Variants in RIMBP2 observed in about 807,000 individuals in gnomAD.
RIMBP2 encodes RIMS-binding protein 2.
Under a neutral mutation model 118.6 loss-of-function variants are expected in RIMBP2, and 48 were observed. The observed-to-expected ratio is 0.40, with a 90% confidence interval of 0.32 to 0.51. The LOEUF is 0.51. RIMBP2 is among the 20% of genes least tolerant of loss of function. The pLI, the probability that RIMBP2 is intolerant of heterozygous loss-of-function variation, is 0.41. For synonymous variants in RIMBP2, 762 were observed against 742.9 expected (o/e 1.03, Z -0.42); for missense variants, 1,551 against 1,768.3 (o/e 0.88, Z 2.20).
chr12:130,422,694 A>C lies in RIMBP2; in HGVS notation c.3130-133T>G. The C allele has an allele frequency of 6.1e-6, 4 of 654,862 alleles. No individual in the cohort carries two copies. The highest frequency in any genetic ancestry group is 1.1e-5 in the Non-Finnish European group (4 of 372,728). The allele number at this position is 654,862 out of a possible 1,614,324, so 40.6% of individuals were successfully genotyped here. On this transcript the variant is annotated intron_variant, in intron 16 of 22. Coordinates refer to ENST00000690449, the MANE Select transcript of RIMBP2 (RefSeq NM_001393629.1). This position sits in a 1 kb window ranked among gnomAD's most constrained non-coding sequence, Gnocchi z 5.2. ...AAACTTAGCTTTTAACTGAAAGGTTAGCTGAATGGCCTGGGAGAGAACAAA... is the reference window on the plus strand; with the variant it reads ...AAACTTAGCTTTTAACTGAAAGGTTCGCTGAATGGCCTGGGAGAGAACAAA...
Position 130,688,794 on chromosome 12 carries a change from G to A in RIMBP2, c.-352+27428C>T, listed in dbSNP as rs779891963. Among the ~76,000 whole-genome samples the A allele has an allele frequency of 2.2e-4, 33 of 152,192 alleles. No individual in the cohort carries two copies. The highest frequency in any genetic ancestry group is 6.8e-4 in the African/African-American group (28 of 41,454). On this transcript the variant is annotated intron_variant, in intron 1 of 22. Coordinates refer to ENST00000690449, the MANE Select transcript of RIMBP2 (RefSeq NM_001393629.1). The surrounding 1 kb of genome is among the most constrained non-coding windows in gnomAD (Gnocchi z 4.7). ...CACCTCCACCACCACTGTCTCCTCC[G>A]GCCCCCAATTCCAACTGCTCAGCTG...
intron 5 of RIMBP2, among the ~76,000 whole-genome samples, chr12:130,478,613 A>G (rs759487669): frequency 3.9e-5 from 6 of 152,202 alleles, no homozygotes; most frequent in Non-Finnish European, 8.8e-5. Context: ...TTTTTCCAGA[A>G]GCGGAAGCAA....
chr12:130,488,367 A>C (rs2082655183), intron 4 of RIMBP2, among the ~76,000 whole-genome samples: 1 of 151,964 alleles, frequency 6.6e-6, no homozygotes, highest in Non-Finnish European at 1.5e-5. Context: ...TTGGCTGCAA[A>C]GGCTGAAATT....
At chr12:130,680,738 C>T (rs551512744) in intron 1 of RIMBP2, among the ~76,000 whole-genome samples, 5 of 152,142 alleles carry the variant, frequency 3.3e-5, no homozygotes, top group Non-Finnish European at 7.3e-5. Context: ...CATTGCTGAA[C>T]GTCCTACAGT....
chr12:130,411,174 T>G (rs10848096), intron 19 of RIMBP2, among the ~76,000 whole-genome samples: 28,930 of 152,230 alleles, frequency 0.19, 3,225 homozygotes, highest in East Asian at 0.41. Context: ...GAAATAGAAC[T>G]GATTTTTGTA....
intron 21 of RIMBP2, among the ~76,000 whole-genome samples, chr12:130,402,134 C>G (rs1324972083): frequency 1.3e-5 from 2 of 152,198 alleles, no homozygotes; most frequent in Non-Finnish European, 2.9e-5. Flanking sequence ...TGTCTGATGC[C>G]TCTACCACTG....
intron 1 of RIMBP2, among the ~76,000 whole-genome samples, chr12:130,702,923 C>T (rs2065929020): frequency 6.6e-6 from 1 of 152,166 alleles, no homozygotes; most frequent in African/African-American, 2.4e-5. Flanking sequence ...ATCCCGGGTG[C>T]TCAGCCGGGA....
intron 2 of RIMBP2, among the ~76,000 whole-genome samples, chr12:130,528,813 C>T (rs1475875211): frequency 6.6e-6 from 1 of 152,174 alleles, no homozygotes; most frequent in Non-Finnish European, 1.5e-5. Context: ...TTATGCCACA[C>T]AGCTGAGGAG....
At chr12:130,662,574 G>T (rs901455450) in intron 1 of RIMBP2, among the ~76,000 whole-genome samples, 1 of 152,000 alleles carries the variant, frequency 6.6e-6, no homozygotes, top group Non-Finnish European at 1.5e-5. Flanking sequence ...GAGAATCACT[G>T]GAACCCGGAA....
intron 1 of RIMBP2, among the ~76,000 whole-genome samples, chr12:130,655,510 G>T (rs1369649217): frequency 6.6e-6 from 1 of 152,140 alleles, no homozygotes; most frequent in Non-Finnish European, 1.5e-5. Flanking sequence ...GGAGGCTCTG[G>T]GGCCATAGAA....
In RIMBP2 at chr12:130,688,302, A is replaced by C. The variant is rs1594205207; in HGVS notation, c.-352+27920T>G. ...CCCTCCTGCTGTTTCTGAACTCCTC[A>C]CCTCCAGCCTTTCTAGCCTCACTAG... On this transcript the variant is annotated intron_variant, in intron 1 of 22. Coordinates refer to ENST00000690449, the MANE Select transcript of RIMBP2 (RefSeq NM_001393629.1). The surrounding 1 kb of genome is among the most constrained non-coding windows in gnomAD (Gnocchi z 4.7). Among the ~76,000 whole-genome samples, 1 of 151,450 alleles carries C rather than the reference A, an allele frequency of 6.6e-6. No homozygotes were observed. The highest frequency in any genetic ancestry group is 1.9e-4 in the East Asian group (1 of 5,144).
chr12:130,514,509 C>T (rs541512876), intron 3 of RIMBP2, among the ~76,000 whole-genome samples: 3 of 152,286 alleles, frequency 2.0e-5, no homozygotes, highest in Non-Finnish European at 2.9e-5. Context: ...GCTCCAGCAC[C>T]CCCATCCCCC....
chr12:130,441,531 C>T (rs984745194), intron 11 of RIMBP2, among the ~76,000 whole-genome samples: 2 of 151,900 alleles, frequency 1.3e-5, no homozygotes, highest in African/African-American at 4.8e-5. Flanking sequence ...AGTATGTGTC[C>T]AGGGGTGCAT....
intron 2 of RIMBP2, among the ~76,000 whole-genome samples, chr12:130,625,522 G>C (rs572366414): frequency 8.0e-6 from 1 of 125,592 alleles, no homozygotes; most frequent in Non-Finnish European, 1.8e-5. Context: ...TCAGACTCAC[G>C]AACTAGGCCC....
At chr12:130,493,212 T>C (rs1399479619) in intron 4 of RIMBP2, among the ~76,000 whole-genome samples, 1 of 152,210 alleles carries the variant, frequency 6.6e-6, no homozygotes, top group Non-Finnish European at 1.5e-5. Flanking sequence ...CTAAGTTTTA[T>C]TTAGGTCTGC....
In RIMBP2 at chr12:130,514,938, G is replaced by A. The variant is rs1341669932; in HGVS notation, c.-127+2890C>T. 3.9e-5 allele frequency among the ~76,000 whole-genome samples: 6 copies of A among 151,968 alleles called. No homozygotes were observed. In the South Asian group the frequency reaches 6.2e-4, roughly 16 times the overall value. Reference sequence around the variant, plus strand: ...GTCGCCCAGGCTGGAGTGCAGTGGCGTGATCTCCGCTCACTGCAAGCTCTG... The same window carrying A: ...GTCGCCCAGGCTGGAGTGCAGTGGCATGATCTCCGCTCACTGCAAGCTCTG... On this transcript the variant is annotated intron_variant, in intron 3 of 22. Coordinates refer to ENST00000690449, the MANE Select transcript of RIMBP2 (RefSeq NM_001393629.1).
chr12:130,645,925 A>T (rs961146994), intron 1 of RIMBP2, among the ~76,000 whole-genome samples: 6 of 152,272 alleles, frequency 3.9e-5, no homozygotes, highest in African/African-American at 1.4e-4. Context: ...TCAGTTACTA[A>T]GTCACTGAAT....
chr12:130,547,291 T>G (rs1280179366), intron 2 of RIMBP2, among the ~76,000 whole-genome samples: 1 of 152,260 alleles, frequency 6.6e-6, no homozygotes, highest in Admixed American at 6.5e-5. Context: ...TTCTTTAGCA[T>G]TACTTAGTGT....
intron 1 of RIMBP2, among the ~76,000 whole-genome samples, chr12:130,637,793 G>T (rs1279813825): frequency 1.3e-5 from 2 of 152,164 alleles, no homozygotes; most frequent in South Asian, 2.1e-4. Context: ...GCCTGGCTTG[G>T]GGTACCTTCC....
Sources: allele counts gnomAD v4.1 joint callset (sites outside exome capture counted in the v4.1 genomes callset), GRCh38; gene constraint gnomAD v4.1.1; non-coding constraint Gnocchi (gnomAD v3.1); transcripts MANE v1.5; gene names NCBI Gene and HGNC (gene_info 2026-07-23, HGNC 2026-07-21).